Variants in PADI4 observed in about 807,000 individuals in gnomAD.
PADI4 encodes the protein peptidyl arginine deiminase 4, also known as protein-arginine deiminase type-4.
PADI4 carries 62 observed loss-of-function variants against 75.0 expected under a neutral mutation model. That is an observed-to-expected ratio of 0.83 (90% CI 0.67 to 1.02). The LOEUF is 1.02. Among genes scored for constraint, PADI4 ranks in the 50% least tolerant of loss-of-function variants. PADI4 has a pLI of 0.00. For synonymous variants in PADI4, 361 were observed against 348.1 expected (o/e 1.04, Z -0.41); for missense variants, 845 against 850.5 (o/e 0.99, Z 0.08).
chr1:17,323,866 A>AAC (rs1192905376), intron 1 of PADI4, among the ~76,000 whole-genome samples: 2 of 151,752 alleles, frequency 1.3e-5, no homozygotes, highest in Non-Finnish European at 2.9e-5. Context: ...CAACAAAAAA[A>AAC]ACACAAACAA....
intron 8 of PADI4, among the ~76,000 whole-genome samples, chr1:17,345,797 G>T (rs1285788185): frequency 6.6e-6 from 1 of 152,110 alleles, no homozygotes; most frequent in African/African-American, 2.4e-5. Context: ...TATCAGCAGC[G>T]TGAAAACGGA....
At chr1:17,326,668 C>T (rs929940593) in intron 1 of PADI4, among the ~76,000 whole-genome samples, 2 of 152,082 alleles carry the variant, frequency 1.3e-5, no homozygotes, top group Admixed American at 6.6e-5. Flanking sequence ...ACCCATGACC[C>T]GTGTGTGCTT....
At chr1:17,308,665 G>C (rs775754767) in intron 1 of PADI4, among the ~76,000 whole-genome samples, 1 of 152,150 alleles carries the variant, frequency 6.6e-6, no homozygotes, top group African/African-American at 2.4e-5. Context: ...TGGAAGTAAG[G>C]TTAGCCCCTG....
chr1:17,361,969 G>T (rs187894789), intron 15 of PADI4, among the ~76,000 whole-genome samples: 152 of 152,318 alleles, frequency 1.0e-3, no homozygotes, highest in Non-Finnish European at 1.8e-3. Flanking sequence ...GGATTCATGG[G>T]CAGTTTCACA....
intron 8 of PADI4, among the ~76,000 whole-genome samples, chr1:17,343,823 C>A (rs1165600074): frequency 6.6e-6 from 1 of 152,092 alleles, no homozygotes; most frequent in Non-Finnish European, 1.5e-5. Flanking sequence ...GAGTGTAAGT[C>A]CAATTAAACC....
At chr1:17,361,916 G>A (rs1300655047) in intron 15 of PADI4, among the ~76,000 whole-genome samples, 1 of 152,204 alleles carries the variant, frequency 6.6e-6, no homozygotes, top group Non-Finnish European at 1.5e-5. Context: ...CGCAGTGCTG[G>A]GAGTTATGGG....
intron 1 of PADI4, among the ~76,000 whole-genome samples, chr1:17,319,522 TA>T (rs976901863): frequency 2.0e-5 from 3 of 151,946 alleles, no homozygotes; most frequent in Admixed American, 6.6e-5. Flanking sequence ...GCACTGTGCT[TA>T]AAAAAAGAGA....
chr1:17,331,144 C>A lies in PADI4; in HGVS notation c.268C>A (p.Gln90Lys). Residue 90 changes from glutamine to lysine, a missense_variant, in exon 2 of 16, where the codon CAG becomes AAG. Transcript: ENST00000375448. ...AGTGGCCAGTGGTAGCACAGGCGAC[C>A]AGAAGGTGAGTGTCATAGCTGTGGG... ...MKVASGSTGD[Q>K]KVQISYYGPK... is the part of the protein sequence containing the mutation. The A allele has an allele frequency of 6.2e-7, 1 of 1,609,400 alleles. No homozygotes were observed. Among genetic ancestry groups the A allele is most frequent in the Non-Finnish European group, 8.5e-7 (1 of 1,177,982 alleles).
At chr1:17,354,793 C>A in intron 11 of PADI4, 106 bp downstream of exon 11, 1 of 1,079,064 alleles carries the variant, frequency 9.3e-7, no homozygotes, top group Non-Finnish European at 1.3e-6. Context: ...TCTAGACAGC[C>A]CAACAGACTT....
At chr1:17,352,527 G>T (rs1247757504) in intron 10 of PADI4, among the ~76,000 whole-genome samples, 1 of 152,080 alleles carries the variant, frequency 6.6e-6, no homozygotes, top group Non-Finnish European at 1.5e-5. Context: ...GGGAGTGCAG[G>T]CAGGGTGTGG....
chr1:17,332,246 A>T (rs1165330455), intron 2 of PADI4, among the ~76,000 whole-genome samples: 3 of 151,598 alleles, frequency 2.0e-5, no homozygotes, highest in Non-Finnish European at 4.4e-5. Flanking sequence ...TCATCTCAAG[A>T]TCCTTTTTTA....
chr1:17,324,053 T>C (rs1330268724), intron 1 of PADI4, among the ~76,000 whole-genome samples: 1 of 152,068 alleles, frequency 6.6e-6, no homozygotes, highest in Non-Finnish European at 1.5e-5. Context: ...TTCTTGAACA[T>C]GTCTCCTAGT....
chr1:17,339,664 C>T, intron 5 of PADI4, 24 bp from the exon 6 acceptor site: 2 of 1,613,154 alleles, frequency 1.2e-6, no homozygotes. Flanking sequence ...CCCTGTGACT[C>T]AGGCAATGCC....
chr1:17,327,635 G>C (rs138348502), intron 1 of PADI4, among the ~76,000 whole-genome samples: 39 of 151,600 alleles, frequency 2.6e-4, no homozygotes, highest in African/African-American at 9.2e-4. Context: ...TCTGCCTCTC[G>C]GGTTCAAGCA....
intron 8 of PADI4, among the ~76,000 whole-genome samples, chr1:17,345,696 G>C (rs1438799662): frequency 6.6e-6 from 1 of 152,184 alleles, no homozygotes; most frequent in East Asian, 1.9e-4. Context: ...CATGTAAGAA[G>C]TGCCTTTTGC....
intron 1 of PADI4, among the ~76,000 whole-genome samples, chr1:17,327,763 C>G (rs1240622765): frequency 2.0e-5 from 3 of 151,936 alleles, no homozygotes; most frequent in African/African-American, 7.3e-5. Flanking sequence ...CCAGGCCGGT[C>G]TCAAACTCCT....
intron 4 of PADI4, among the ~76,000 whole-genome samples, chr1:17,337,214 C>A (rs1038601011): frequency 1.1e-4 from 17 of 152,126 alleles, no homozygotes; most frequent in Non-Finnish European, 2.2e-4. Flanking sequence ...AGTGCAGGGG[C>A]GGTTCACCGC....
chr1:17,347,885 G>C lies in PADI4; in HGVS notation c.1048-56G>C, dbSNP rs530737775. On this transcript the variant is annotated intron_variant, in intron 9 of 15. Coordinates refer to ENST00000375448, the MANE Select transcript of PADI4 (RefSeq NM_012387.3). ...GGTTTCATGCCCCCATCCTGGCGTC[G>C]GGCACCAAGACCCAGGCAGCACGCG... The C allele has an allele frequency of 7.3e-6, 7 of 954,030 alleles. No individual in the cohort carries two copies. In the South Asian group the frequency reaches 1.0e-4, roughly 14 times the overall value. The allele number at this position is 954,030 out of a possible 1,614,324, so 59.1% of individuals were successfully genotyped here. A position where few individuals can be genotyped will look rare whatever the true frequency, so the allele number is the denominator to read the frequency against.
At chr1:17,331,219 G>A in intron 2 of PADI4, 70 bp downstream of exon 2, 2 of 1,351,444 alleles carry the variant, frequency 1.5e-6, no homozygotes, top group Non-Finnish European at 2.1e-6. Context: ...ACTCTGTCCT[G>A]CCGTGATCCA....
Sources: gnomAD v4.1 joint callset for allele counts (sites outside exome capture counted in the v4.1 genomes callset) on GRCh38, gnomAD v4.1.1 for gene constraint, MANE v1.5 for transcripts, NCBI Gene and HGNC (gene_info 2026-07-23, HGNC 2026-07-21) for gene names.